TMTC1: variants seen among roughly 807,000 people sequenced by gnomAD.
TMTC1 encodes the protein transmembrane O-mannosyltransferase targeting cadherins 1.
TMTC1 carries 73 observed loss-of-function variants against 104.8 expected under a neutral mutation model. That is an observed-to-expected ratio of 0.70 (90% confidence interval 0.58 to 0.85). The LOEUF is 0.85. Ranked by LOEUF, TMTC1 falls within the 40% of genes least tolerant of loss-of-function variation. The probability of loss-of-function intolerance (pLI) is 0.00; values close to 1 mark genes in which losing one functional copy is unlikely to be tolerated. For missense variants in TMTC1, 1,035 were observed against 1,096.1 expected (o/e 0.94, Z 0.79); for synonymous variants, 434 against 428.7 (o/e 1.01, Z -0.15).
chr12:29,685,893 TG>T (rs1941076467), intron 5 of TMTC1, among the ~76,000 whole-genome samples: 1 of 149,074 alleles, frequency 6.7e-6, no homozygotes, highest in South Asian at 2.1e-4. Context: ...ATGCTTACTA[TG>T]GTTTAAAACT....
intron 7 of TMTC1, among the ~76,000 whole-genome samples, chr12:29,584,135 C>T (rs1946060630): frequency 6.6e-6 from 1 of 152,162 alleles, no homozygotes; most frequent in African/African-American, 2.4e-5. Context: ...GACTCCTGAG[C>T]CTCACAACTT....
At chr12:29,603,594 CA>C (rs1187031163) in intron 7 of TMTC1, among the ~76,000 whole-genome samples, 2 of 152,028 alleles carry the variant, frequency 1.3e-5, no homozygotes, top group African/African-American at 4.8e-5. Flanking sequence ...GGCCTTGGAA[CA>C]ATGACATTGG....
intron 8 of TMTC1, among the ~76,000 whole-genome samples, chr12:29,573,158 G>C (rs1945728464): frequency 1.3e-5 from 2 of 152,100 alleles, no homozygotes; most frequent in South Asian, 4.1e-4. Context: ...CCAGATCTAG[G>C]AGTATACATG....
chr12:29,618,310 A>C (rs1470067075), intron 6 of TMTC1, among the ~76,000 whole-genome samples: 3 of 152,210 alleles, frequency 2.0e-5, no homozygotes, highest in Non-Finnish European at 2.9e-5. Context: ...TTGATACTAC[A>C]GTGTGGAGAT....
intron 5 of TMTC1, among the ~76,000 whole-genome samples, chr12:29,739,928 G>A (rs2015229): frequency 0.054 from 8,198 of 151,972 alleles, 436 homozygotes; most frequent in South Asian, 0.14. Flanking sequence ...AAGAGGTCTC[G>A]AACTCTTGAC....
In TMTC1 at chr12:29,505,604, A is replaced by G. The variant is rs1245575823; in HGVS notation, c.*1242T>C. On this transcript the variant is annotated 3_prime_UTR_variant, in exon 18 of 18. Coordinates refer to ENST00000539277, the MANE Select transcript of TMTC1 (RefSeq NM_001193451.2). The stretch of plus-strand genomic sequence containing the variant: ...AAAAAAGAAGAGTGTGTATGTATAT[A>G]TTAAATATTTTATAAGTTATGAAAT... The G allele has an allele frequency of 1.3e-5, 2 of 152,148 alleles. No individual in the cohort carries two copies. The highest frequency in any genetic ancestry group is 2.9e-5 in the Non-Finnish European group (2 of 68,018). The allele number at this position is 152,148 out of a possible 1,614,324, so 9.4% of individuals were successfully genotyped here.
chr12:29,685,492 TA>T (rs1941063805), intron 5 of TMTC1, among the ~76,000 whole-genome samples: 1 of 152,060 alleles, frequency 6.6e-6, no homozygotes, highest in South Asian at 2.1e-4. Flanking sequence ...AACCTTAGCT[TA>T]AAAAGACAAA....
At chr12:29,775,582 T>A (rs1239502691) in intron 1 of TMTC1, among the ~76,000 whole-genome samples, 1 of 152,226 alleles carries the variant, frequency 6.6e-6, no homozygotes, top group Non-Finnish European at 1.5e-5. Flanking sequence ...AAATGTTCTA[T>A]TTCTTCAGGA....
rs1380852311 is a variant in TMTC1, at chr12:29,505,617, TAA to T, written c.*1227_*1228del. 7 of 152,240 alleles carry T rather than the reference TAA, an allele frequency of 4.6e-5. No individual in the cohort carries two copies. The highest frequency in any genetic ancestry group is 1.9e-4 in the East Asian group (1 of 5,190). The allele number at this position is 152,240 out of a possible 1,614,324, so 9.4% of individuals were successfully genotyped here. ...GTGTATGTATATATTAAATATTTTA[TAA>T]GTTATGAAATAAATAACACTAAAAA... On this transcript the variant is annotated 3_prime_UTR_variant, in exon 18 of 18. Coordinates refer to ENST00000539277, the MANE Select transcript of TMTC1 (RefSeq NM_001193451.2).
chr12:29,570,343 C>T (rs933032296), intron 9 of TMTC1, among the ~76,000 whole-genome samples: 1 of 152,116 alleles, frequency 6.6e-6, no homozygotes, highest in Admixed American at 6.5e-5. Context: ...ATCTTACCCA[C>T]CAGAGATAAG....
At position 29,607,901 on chromosome 12, in the gene TMTC1, C is replaced by T. The variant is rs189762638; in HGVS notation, c.1129-3602G>A. Reference sequence around the variant, plus strand: ...CTATGAGCTTACACACAGCCCGCCACCCTACATTGCTAATCTTGTGGGGTG... The same window carrying T: ...CTATGAGCTTACACACAGCCCGCCATCCTACATTGCTAATCTTGTGGGGTG... On this transcript the variant is annotated intron_variant, in intron 6 of 17. Coordinates refer to ENST00000539277, the MANE Select transcript of TMTC1 (RefSeq NM_001193451.2). Among the ~76,000 whole-genome samples, 7 of 152,288 alleles carry T rather than the reference C, an allele frequency of 4.6e-5. No homozygotes were observed. In the East Asian group the frequency reaches 1.2e-3, roughly 25 times the overall value.
intron 5 of TMTC1, among the ~76,000 whole-genome samples, chr12:29,678,146 G>T (rs373519535): frequency 3.3e-5 from 5 of 152,272 alleles, no homozygotes; most frequent in Admixed American, 2.6e-4. Flanking sequence ...ATACATACAA[G>T]AATCAGAGAT....
intron 12 of TMTC1, among the ~76,000 whole-genome samples, chr12:29,520,203 T>C (rs1944108699): frequency 6.6e-6 from 1 of 152,228 alleles, no homozygotes; most frequent in Admixed American, 6.5e-5. Context: ...GAAGGAATGA[T>C]GGAACAATTC....
chr12:29,546,928 G>C (rs1421308033), intron 10 of TMTC1, among the ~76,000 whole-genome samples: 1 of 151,972 alleles, frequency 6.6e-6, no homozygotes, highest in Non-Finnish European at 1.5e-5. Flanking sequence ...CTTTCACCTT[G>C]AGTTATTCCA....
At chr12:29,543,160 C>A (rs184401614) in intron 10 of TMTC1, among the ~76,000 whole-genome samples, 1 of 152,300 alleles carries the variant, frequency 6.6e-6, no homozygotes. Flanking sequence ...TGTAGTTTCA[C>A]AGGGAATTTT....
chr12:29,655,415 A>G (rs1939711381), intron 5 of TMTC1, among the ~76,000 whole-genome samples: 1 of 152,118 alleles, frequency 6.6e-6, no homozygotes, highest in Non-Finnish European at 1.5e-5. Context: ...TTTAAGTTTT[A>G]TTTTTTCCAC....
At chr12:29,757,931 G>C (rs549509740) in intron 3 of TMTC1, among the ~76,000 whole-genome samples, 2 of 152,104 alleles carry the variant, frequency 1.3e-5, no homozygotes, top group East Asian at 3.9e-4. Flanking sequence ...CCTCCCACTA[G>C]GTTCCTTCCA....
intron 15 of TMTC1, among the ~76,000 whole-genome samples, chr12:29,515,421 C>G (rs899596282): frequency 3.3e-5 from 5 of 152,196 alleles, no homozygotes; most frequent in African/African-American, 1.2e-4. Flanking sequence ...CCTGTGCTTG[C>G]GTTCCTACGG....
intron 9 of TMTC1, among the ~76,000 whole-genome samples, chr12:29,563,868 T>C (rs1945441595): frequency 1.3e-5 from 2 of 152,130 alleles, no homozygotes. Flanking sequence ...CGGACTCTAA[T>C]GCACTGTGAG....
Sources: allele counts gnomAD v4.1 joint callset (sites outside exome capture counted in the v4.1 genomes callset), GRCh38; gene constraint gnomAD v4.1.1; transcripts MANE v1.5; gene names NCBI Gene and HGNC (gene_info 2026-07-23, HGNC 2026-07-21).